Variants in COL23A1 observed in about 807,000 individuals in gnomAD.
COL23A1 encodes collagen type XXIII alpha 1 chain.
In COL23A1, 97 loss-of-function variants were observed where a neutral mutation model predicts 99.3. The ratio of observed to expected loss-of-function variants is 0.98; its 90% CI spans 0.83 to 1.16. COL23A1 has a LOEUF of 1.16. Ranked by LOEUF, COL23A1 falls within the 50% of genes most tolerant of loss-of-function variation. The pLI is 0.00. For missense variants in COL23A1, 762 were observed against 757.4 expected (o/e 1.01, Z -0.07); for synonymous variants, 320 against 308.2 (o/e 1.04, Z -0.40).
Position 178,365,676 on chromosome 5 carries a change from G to A in COL23A1, c.362-58757C>T, listed in dbSNP as rs766374919. ...CCCCTCTCTTCTCCTCGACAACTGC[G>A]TGCTGTTCCCGGCAGACCCTTGCGT... is the stretch of plus-strand genomic sequence containing the variant. On this transcript the variant is annotated intron_variant, in intron 2 of 28. Coordinates refer to ENST00000390654, the MANE Select transcript of COL23A1 (RefSeq NM_173465.4). This position sits in a 1 kb window ranked among gnomAD's most constrained non-coding sequence, Gnocchi z 5.2. 5.3e-5 allele frequency among the ~76,000 whole-genome samples: 8 copies of A among 152,118 alleles called. No homozygotes were observed. Among genetic ancestry groups the A allele is most frequent in the East Asian group, 1.9e-4 (1 of 5,184 alleles).
At chr5:178,585,515 C>CA (rs1562114820) in intron 1 of COL23A1, among the ~76,000 whole-genome samples, 3 of 144,772 alleles carry the variant, frequency 2.1e-5, no homozygotes, top group African/African-American at 5.5e-5. Context: ...TAACACTCCA[C>CA]GTCCCTGGAT....
At chr5:178,341,171 G>A (rs1760638505) in intron 2 of COL23A1, among the ~76,000 whole-genome samples, 1 of 152,310 alleles carries the variant, frequency 6.6e-6, no homozygotes, top group African/African-American at 2.4e-5. Flanking sequence ...CTGTCACTCA[G>A]GCTGGATCAC....
At chr5:178,357,938 GTA>G (rs376068368) in intron 2 of COL23A1, among the ~76,000 whole-genome samples, 2,863 of 148,194 alleles carry the variant, frequency 0.019, 115 homozygotes, top group African/African-American at 0.055. Flanking sequence ...GTATGTGTAT[GTA>G]TGTGTGTGTA....
intron 2 of COL23A1, among the ~76,000 whole-genome samples, chr5:178,324,557 G>A (rs572264261): frequency 2.2e-4 from 33 of 152,198 alleles, no homozygotes; most frequent in African/African-American, 7.0e-4. Flanking sequence ...CACGCAAGTC[G>A]CTCCGTTGCT....
intron 2 of COL23A1, among the ~76,000 whole-genome samples, chr5:178,324,883 A>T (rs1172782093): frequency 6.6e-6 from 1 of 152,076 alleles, no homozygotes; most frequent in Admixed American, 6.5e-5. Context: ...GCCCCATCAC[A>T]TCCACAGTTC....
At position 178,308,768 on chromosome 5, in the gene COL23A1, C is replaced by T. The variant is rs1269173029; in HGVS notation, c.362-1849G>A. ...TGGGAACCTCCAGAGCCAGTCACAC[C>T]GGATGACTGGCCCTGGTTATTAACT... is the stretch of plus-strand genomic sequence containing the variant. On this transcript the variant is annotated intron_variant, in intron 2 of 28. Transcript: ENST00000390654. This position sits in a 1 kb window ranked among gnomAD's most constrained non-coding sequence, Gnocchi z 5.1. Among the ~76,000 whole-genome samples the T allele has an allele frequency of 2.6e-5, 4 of 151,992 alleles. No homozygotes were observed. Among genetic ancestry groups the T allele is most frequent in the African/African-American group, 4.8e-5 (2 of 41,374 alleles).
chr5:178,506,140 C>T (rs1758857086), intron 2 of COL23A1, among the ~76,000 whole-genome samples: 1 of 152,232 alleles, frequency 6.6e-6, no homozygotes, highest in Non-Finnish European at 1.5e-5. Context: ...AAACAAAAAA[C>T]AGCACAGGCC....
intron 2 of COL23A1, among the ~76,000 whole-genome samples, chr5:178,499,290 C>T (rs1025834866): frequency 1.4e-4 from 21 of 152,090 alleles, no homozygotes; most frequent in Non-Finnish European, 4.4e-5. Context: ...AAAGAGATCT[C>T]GCTGCCTGAA....
intron 2 of COL23A1, among the ~76,000 whole-genome samples, chr5:178,330,087 AG>A (rs1759925383): frequency 6.6e-6 from 1 of 152,160 alleles, no homozygotes; most frequent in African/African-American, 2.4e-5. Context: ...GGAAGGTCCC[AG>A]GAGGGAGAGT....
chr5:178,460,899 C>T (rs925767938), intron 2 of COL23A1, among the ~76,000 whole-genome samples: 2 of 152,186 alleles, frequency 1.3e-5, no homozygotes, highest in Non-Finnish European at 2.9e-5. Context: ...CAAGATTGCC[C>T]CTTCCCCTAT....
chr5:178,471,722 A>G (rs1336624382), intron 2 of COL23A1, among the ~76,000 whole-genome samples: 3 of 151,668 alleles, frequency 2.0e-5, no homozygotes, highest in Middle Eastern at 3.2e-3. Context: ...TAACTCTCAC[A>G]CCCCTGCCCT....
rs1215282310 is a variant in COL23A1 at position 178,365,719 on chromosome 5, G to A, written c.362-58800C>T. 6.6e-6 allele frequency among the ~76,000 whole-genome samples: 1 copy of A among 152,144 alleles called. No individual in the cohort carries two copies. The highest frequency in any genetic ancestry group is 6.5e-5 in the Admixed American group (1 of 15,278). ...CCTTGCGTTTCCTGTTCTCTGCCTG[G>A]AAAGCCATGTCTTGTTCTCCACGCC... On this transcript the variant is annotated intron_variant, in intron 2 of 28. Transcript: ENST00000390654. This position sits in a 1 kb window ranked among gnomAD's most constrained non-coding sequence, Gnocchi z 5.2.
At chr5:178,537,355 CAG>C (rs1761030178) in intron 2 of COL23A1, among the ~76,000 whole-genome samples, 1 of 152,250 alleles carries the variant, frequency 6.6e-6, no homozygotes, top group African/African-American at 2.4e-5. Context: ...CTCCAGCACT[CAG>C]AGTCAGAAAC....
chr5:178,291,157 C>A (rs1757436308), intron 3 of COL23A1, among the ~76,000 whole-genome samples: 1 of 152,182 alleles, frequency 6.6e-6, no homozygotes, highest in African/African-American at 2.4e-5. Flanking sequence ...CACCCCTAGG[C>A]TCTGTGCACT....
chr5:178,549,633 T>C (rs1232224355), intron 2 of COL23A1, among the ~76,000 whole-genome samples: 3 of 152,036 alleles, frequency 2.0e-5, no homozygotes, highest in Non-Finnish European at 4.4e-5. Flanking sequence ...CTGACAAATA[T>C]GGTGAAACCC....
intron 2 of COL23A1, among the ~76,000 whole-genome samples, chr5:178,518,500 G>C (rs1759706724): frequency 6.8e-6 from 1 of 147,384 alleles, no homozygotes; most frequent in Non-Finnish European, 1.5e-5. Context: ...TCACCTCCCG[G>C]ACGGGGTGGC....
rs370923237 is a variant in COL23A1, at chr5:178,250,075, T to C, written c.1045A>G (p.Ile349Val). The C allele has an allele frequency of 3.1e-6, 5 of 1,614,020 alleles. No individual in the cohort carries two copies. The African/African-American group carries it at 6.7e-5, about 22-fold the overall frequency. ...GGCCCAGAGACCTTCTCTCCATCGA[T>C]TCCTGGGGCACCGGGCAATCCAAGC... ...GELGLPGAPG[I>V]DGEKGPKGQK... The change falls in exon 18 of 29, where the codon ATC (isoleucine) becomes GTC (valine). Residue 349 changes from isoleucine to valine, a missense_variant. Transcript: ENST00000390654.
chr5:178,572,000 G>A (rs1421821815), intron 1 of COL23A1, among the ~76,000 whole-genome samples: 9 of 149,734 alleles, frequency 6.0e-5, no homozygotes, highest in Admixed American at 6.7e-5. Flanking sequence ...CCTGAGAGGC[G>A]GAGCTTGCAA....
chr5:178,253,922 G>C (rs1765168916), intron 16 of COL23A1, among the ~76,000 whole-genome samples: 1 of 151,978 alleles, frequency 6.6e-6, no homozygotes, highest in African/African-American at 2.4e-5. Context: ...CCAGCACTTT[G>C]GGAGGCTGAG....
Sources: allele counts gnomAD v4.1 joint callset (sites outside exome capture counted in the v4.1 genomes callset), GRCh38; gene constraint gnomAD v4.1.1; non-coding constraint Gnocchi (gnomAD v3.1); transcripts MANE v1.5; gene names NCBI Gene and HGNC (gene_info 2026-07-23, HGNC 2026-07-21).